Variants in NFATC3 observed in about 807,000 individuals in gnomAD.
NFATC3 encodes the protein nuclear factor of activated T-cells, cytoplasmic 3.
Under a neutral mutation model 98.6 loss-of-function variants are expected in NFATC3, and 46 were observed. That is an observed-to-expected ratio of 0.47 (90% CI 0.37 to 0.60). NFATC3 has a LOEUF of 0.60. Ranked by LOEUF, NFATC3 falls within the 20% of genes least tolerant of loss-of-function variation. The pLI is 0.00. For synonymous variants in NFATC3, 512 were observed against 472.2 expected (o/e 1.08, Z -1.09); for missense variants, 1,256 against 1,295.5 (o/e 0.97, Z 0.47).
At chr16:68,120,424 C>T (rs146609571) in intron 1 of NFATC3, among the ~76,000 whole-genome samples, 5 of 151,556 alleles carry the variant, frequency 3.3e-5, no homozygotes, top group East Asian at 1.9e-4. Context: ...CTAAAAATAA[C>T]AAAAATTAGC....
At chr16:68,218,514 CAAA>C (rs1326968858) in intron 9 of NFATC3, among the ~76,000 whole-genome samples, 1 of 59,422 alleles carries the variant, frequency 1.7e-5, no homozygotes, top group Non-Finnish European at 3.3e-5. Context: ...GAGAGCCTCT[CAAA>C]AAAAAAAAAA....
intron 3 of NFATC3, 55 bp downstream of exon 3, chr16:68,126,665 A>G: frequency 6.3e-7 from 1 of 1,578,456 alleles, no homozygotes; most frequent in South Asian, 1.1e-5. Context: ...TGATGATTAG[A>G]CAAGTCTATT....
In NFATC3 at chr16:68,227,886, G is replaced by A. The variant is rs1468901422; in HGVS notation, c.*1415G>A. ...GCCCATTACAGAGCCTCTGAAGTTT[G>A]CAGTATGCTTTCAAATGAAATAATA... On this transcript the variant is annotated 3_prime_UTR_variant, in exon 10 of 10. Coordinates refer to ENST00000346183, the MANE Select transcript of NFATC3 (RefSeq NM_173165.3). 6.6e-6 allele frequency: 1 copy of A among 151,874 alleles called. No individual in the cohort carries two copies. Among genetic ancestry groups the A allele is most frequent in the Non-Finnish European group, 1.5e-5 (1 of 68,012 alleles). The allele number at this position is 151,874 out of a possible 1,614,324, so 9.4% of individuals were successfully genotyped here. A position where few individuals can be genotyped will look rare whatever the true frequency, so the allele number is the denominator to read the frequency against.
intron 4 of NFATC3, among the ~76,000 whole-genome samples, chr16:68,166,154 A>G (rs1435233478): frequency 1.3e-5 from 2 of 152,218 alleles, no homozygotes; most frequent in Non-Finnish European, 2.9e-5. Flanking sequence ...TGTAGAATTA[A>G]AGAGTCTTTA....
Position 68,122,176 on chromosome 16 carries a change from G to A in NFATC3, c.293G>A (p.Ser98Asn). 6.2e-7 allele frequency: 1 copy of A among 1,614,014 alleles called. No homozygotes were observed. Among genetic ancestry groups the A allele is most frequent in the East Asian group, 2.2e-5 (1 of 44,884 alleles). The change falls in exon 2 of 10, where the codon AGC (serine) becomes AAC (asparagine). Residue 98 changes from serine (S) to asparagine (N), a missense_variant. Ser to Asn is a conservative substitution (Grantham distance 46, BLOSUM62 1). Transcript: ENST00000346183. ...GTCEIPESKY[S>N]PLGGPKPFEC... ...TGTGAGATTCCTGAATCTAAATATA[G>A]CCCATTAGGTGGTCCCAAACCCTTT... is the stretch of plus-strand genomic sequence containing the variant.
rs1201842654 is a variant in NFATC3 at position 68,122,873 on chromosome 16, C to A, written c.990C>A (p.Tyr330Ter). 1 of 1,614,212 alleles carries A rather than the reference C, an allele frequency of 6.2e-7. No individual in the cohort carries two copies. The highest frequency in any genetic ancestry group is 1.1e-5 in the South Asian group (1 of 91,086). ...GLGPAVFPFQ[Y>*]CVETDIPLKT... Reference sequence around the variant, plus strand: ...GCCCTGCAGTTTTTCCATTTCAGTACTGTGTAGAGACTGACATCCCTCTCA... The same window carrying A: ...GCCCTGCAGTTTTTCCATTTCAGTAATGTGTAGAGACTGACATCCCTCTCA... The change falls in exon 2 of 10, where the codon TAC becomes TAA. Residue 330 changes from tyrosine (Y) to a stop codon, truncating the protein, a stop_gained. Coordinates refer to ENST00000346183, the MANE Select transcript of NFATC3 (RefSeq NM_173165.3). LOFTEE classifies it high-confidence loss of function.
intron 4 of NFATC3, among the ~76,000 whole-genome samples, chr16:68,165,445 G>A (rs1367247544): frequency 7.0e-5 from 10 of 142,170 alleles, no homozygotes; most frequent in African/African-American, 2.7e-4. Flanking sequence ...TGCCCAGGCT[G>A]GAGTGCAGTG....
chr16:68,142,287 T>C (rs969700938), intron 3 of NFATC3, among the ~76,000 whole-genome samples: 1 of 152,236 alleles, frequency 6.6e-6, no homozygotes, highest in African/African-American at 2.4e-5. Flanking sequence ...TAAAGATCTT[T>C]TACCTCCTTG....
chr16:68,161,987 G>A (rs1161989006), intron 4 of NFATC3, among the ~76,000 whole-genome samples: 1 of 152,096 alleles, frequency 6.6e-6, no homozygotes, highest in Non-Finnish European at 1.5e-5. Flanking sequence ...CATAATTTAT[G>A]TCCCTTCCTC....
chr16:68,145,992 A>G (rs117972573), intron 3 of NFATC3, among the ~76,000 whole-genome samples: 100 of 152,156 alleles, frequency 6.6e-4, no homozygotes, highest in Non-Finnish European at 7.6e-4. Flanking sequence ...ACATGGGGCT[A>G]TAGTATCCCT....
At chr16:68,140,212 C>CTG (rs1884812348) in intron 3 of NFATC3, among the ~76,000 whole-genome samples, 1 of 152,130 alleles carries the variant, frequency 6.6e-6, no homozygotes, top group Admixed American at 6.5e-5. Context: ...GGTGGTCCGG[C>CTG]TGGTCTCGGA....
At position 68,119,068 on chromosome 16, in the gene NFATC3, C is replaced by T. The variant is rs374029322; in HGVS notation, c.104-2919C>T. On this transcript the variant is annotated intron_variant, in intron 1 of 9. Coordinates refer to ENST00000346183, the MANE Select transcript of NFATC3 (RefSeq NM_173165.3). ...ATTTTCAGTAGAGATGGGGTTTCAC[C>T]GTGTTAGCCAGCATGGTCGTGATCT... 7.9e-5 allele frequency among the ~76,000 whole-genome samples: 12 copies of T among 152,206 alleles called. No homozygotes were observed. The South Asian group carries it at 2.1e-3, about 26-fold the overall frequency.
chr16:68,137,363 G>A (rs1050342592), intron 3 of NFATC3, among the ~76,000 whole-genome samples: 2 of 152,040 alleles, frequency 1.3e-5, no homozygotes, highest in African/African-American at 4.8e-5. Context: ...ACATCAAGAT[G>A]TCACTAGGCA....
At chr16:68,116,139 C>T (rs983745832) in intron 1 of NFATC3, among the ~76,000 whole-genome samples, 1 of 152,032 alleles carries the variant, frequency 6.6e-6, no homozygotes, top group African/African-American at 2.4e-5. Flanking sequence ...TTCAGTAAAA[C>T]GTTATTTATG....
At chr16:68,214,412 C>T in intron 9 of NFATC3, 2 of 1,614,022 alleles carry the variant, frequency 1.2e-6, no homozygotes, top group Non-Finnish European at 8.5e-7. Context: ...ATGTCCAGCT[C>T]CTTTCTGGAG....
chr16:68,172,347 C>T (rs1179047715), intron 5 of NFATC3, among the ~76,000 whole-genome samples: 6 of 152,168 alleles, frequency 3.9e-5, no homozygotes, highest in African/African-American at 1.4e-4. Flanking sequence ...CACCAGTTTT[C>T]CCACCCACAT....
intron 1 of NFATC3, among the ~76,000 whole-genome samples, chr16:68,112,646 G>GTTTT (rs914607835): frequency 1.2e-3 from 117 of 97,678 alleles, no homozygotes; most frequent in Non-Finnish European, 1.5e-3. Context: ...TTTCTTTTTC[G>GTTTT]TTTTTTTTTT....
chr16:68,131,529 C>T (rs1216041859), intron 3 of NFATC3, among the ~76,000 whole-genome samples: 3 of 152,144 alleles, frequency 2.0e-5, no homozygotes, highest in South Asian at 2.1e-4. Context: ...CCACCCACCT[C>T]GGCCTCCCAG....
At chr16:68,174,901 C>T (rs927368029) in intron 6 of NFATC3, among the ~76,000 whole-genome samples, 1 of 152,096 alleles carries the variant, frequency 6.6e-6, no homozygotes, top group African/African-American at 2.4e-5. Flanking sequence ...GTAGAATTCC[C>T]CCAGCAACTC....
Sources: gnomAD v4.1 joint callset for allele counts (sites outside exome capture counted in the v4.1 genomes callset) on GRCh38, gnomAD v4.1.1 for gene constraint, MANE v1.5 for transcripts, NCBI Gene and HGNC (gene_info 2026-07-23, HGNC 2026-07-21) for gene names.